Variants in DLEC1 observed in about 807,000 individuals in gnomAD.
DLEC1 encodes deleted in lung and esophageal cancer protein 1.
DLEC1 carries 146 observed loss-of-function variants against 198.1 expected under a neutral mutation model. That is an observed-to-expected ratio of 0.74 (90% CI 0.64 to 0.85). The LOEUF is 0.85. DLEC1 is among the 40% of genes least tolerant of loss of function. DLEC1 has a pLI of 0.00. For missense variants in DLEC1, 2,233 were observed against 2,220.0 expected, an observed-to-expected ratio of 1.01 and a Z score of -0.12; for synonymous variants, 897 against 866.8, an observed-to-expected ratio of 1.03 and a Z score of -0.61.
At chr3:38,097,449 A>G (rs377480331) in intron 16 of DLEC1, 58 bp from the exon 17 acceptor site, 3 of 1,605,052 alleles carry the variant, frequency 1.9e-6, no homozygotes, top group Non-Finnish European at 2.6e-6. Context: ...GGGCCCAATC[A>G]TAGGAGGAAA....
Position 38,122,741 on chromosome 3 carries a change from A to C in DLEC1, c.*329A>C. 1 of 1,295,440 alleles carries C rather than the reference A, an allele frequency of 7.7e-7. No individual in the cohort carries two copies. The highest frequency in any genetic ancestry group is 1.0e-6 in the Non-Finnish European group (1 of 981,840). The allele number at this position is 1,295,440 out of a possible 1,614,324, so 80.2% of individuals were successfully genotyped here. The stretch of plus-strand genomic sequence containing the variant: ...AAATTCATGCACTTTTACTATGCCC[A>C]TTGCACTTCTCATCCATGGATTTGC... On this transcript the variant is annotated 3_prime_UTR_variant, in exon 37 of 37. Transcript: ENST00000308059.
Position 38,123,601 on chromosome 3 carries a change from G to A in DLEC1, c.*1189G>A, listed in dbSNP as rs142859369. On this transcript the variant is annotated 3_prime_UTR_variant, in exon 37 of 37. Coordinates refer to ENST00000308059, the MANE Select transcript of DLEC1 (RefSeq NM_007335.4). ...ACTTGTAGTCCCAGCTATTCAGCAG[G>A]CTGAGGCAAGAGGATCACTTGTGCC... 1,019 of 160,342 alleles carry A rather than the reference G, an allele frequency of 6.4e-3. 8 individuals carry two copies. Among genetic ancestry groups the A allele is most frequent in the Non-Finnish European group, 0.011 (825 of 73,192 alleles). 9.9% of individuals were successfully genotyped at this position (160,342 alleles called of 1,614,324 possible). A position where few individuals can be genotyped will look rare whatever the true frequency, so the allele number is the denominator to read the frequency against.
chr3:38,086,119 A>G, intron 8 of DLEC1, 122 bp from the exon 9 acceptor site: 1 of 1,374,600 alleles, frequency 7.3e-7, no homozygotes, highest in South Asian at 1.5e-5. Context: ...TCCTCTCTGC[A>G]TAGGGTGCTG....
chr3:38,062,564 T>A lies in DLEC1; in HGVS notation c.874-17T>A. 1 of 1,613,900 alleles carries A rather than the reference T, an allele frequency of 6.2e-7. No individual in the cohort carries two copies. The highest frequency in any genetic ancestry group is 8.5e-7 in the Non-Finnish European group (1 of 1,179,848). ...CCTTTGCCTGTCATTGACTCTATGC[T>A]TTTGTATGTTTCAAAGAAAGCAAGT... On this transcript the variant is annotated splice_polypyrimidine_tract_variant and intron_variant, in intron 4 of 36. Transcript: ENST00000308059.
rs1348107208 is a variant in DLEC1, at chr3:38,084,410, GGTAGTA to G, written c.1261+171_1261+176del. 4.3e-5 allele frequency among the ~76,000 whole-genome samples: 5 copies of G among 115,864 alleles called. 1 individual carries two copies. Among genetic ancestry groups the G allele is most frequent in the African/African-American group, 1.6e-4 (5 of 30,820 alleles). The allele number at this position is 115,864 out of a possible 152,430, so 76.0% of individuals were successfully genotyped here. A position where few individuals can be genotyped will look rare whatever the true frequency, so the allele number is the denominator to read the frequency against. ...TAGTGGTAGTAGTAGTAGTGGTGGT[GGTAGTA>G]GTAGTGGTAGTAGTAGTAGTGGTGG... On this transcript the variant is annotated intron_variant, in intron 7 of 36. Transcript: ENST00000308059.
intron 1 of DLEC1, among the ~76,000 whole-genome samples, chr3:38,041,587 G>A (rs1170915160): frequency 6.6e-6 from 1 of 152,062 alleles, no homozygotes; most frequent in East Asian, 1.9e-4. Flanking sequence ...GGTGGCTCAC[G>A]CCTATAATCC....
chr3:38,110,811 CAT>C (rs1326891441), intron 23 of DLEC1, among the ~76,000 whole-genome samples: 1 of 151,850 alleles, frequency 6.6e-6, no homozygotes, highest in Non-Finnish European at 1.5e-5. Flanking sequence ...CACACACATG[CAT>C]ACACACATAC....
Position 38,084,543 on chromosome 3 carries a change from G to A in DLEC1, c.1261+298G>A. Among the ~76,000 whole-genome samples the A allele has an allele frequency of 1.5e-3, 3 of 1,992 alleles. 1 individual carries two copies. The highest frequency in any genetic ancestry group is 2.6e-3 in the Non-Finnish European group (3 of 1,156). The allele number at this position is 1,992 out of a possible 152,430, so 1.3% of individuals were successfully genotyped here. Reference sequence around the variant, plus strand: ...GGTAGTAGTAGTAGTGGTGGTGGTAGTAGTAGTGGTAGTAGTAGTGGTAGT... The same window carrying A: ...GGTAGTAGTAGTAGTGGTGGTGGTAATAGTAGTGGTAGTAGTAGTGGTAGT... On this transcript the variant is annotated intron_variant, in intron 7 of 36. Coordinates refer to ENST00000308059, the MANE Select transcript of DLEC1 (RefSeq NM_007335.4).
rs779100153 is a variant in DLEC1, at chr3:38,116,669, G to T, written c.4062+11G>T. 2 of 1,613,726 alleles carry T rather than the reference G, an allele frequency of 1.2e-6. No individual in the cohort carries two copies. The highest frequency in any genetic ancestry group is 1.3e-5 in the African/African-American group (1 of 75,046). On this transcript the variant is annotated intron_variant, in intron 28 of 36. Transcript: ENST00000308059. ...GAAACTGACTCATCAGTGAGCAGGGGTGGAGGGGCGGGGCAGGCTGGCCAC... is the reference window on the plus strand; with the variant it reads ...GAAACTGACTCATCAGTGAGCAGGGTTGGAGGGGCGGGGCAGGCTGGCCAC...
At chr3:38,111,279 G>A (rs1157274907) in intron 23 of DLEC1, among the ~76,000 whole-genome samples, 1 of 152,206 alleles carries the variant, frequency 6.6e-6, no homozygotes. Flanking sequence ...CCCAATGCTG[G>A]ACAGATGTCA....
rs1039617504 is a variant in DLEC1 at position 38,116,524 on chromosome 3, T to C, written c.3928T>C (p.Tyr1310His). The C allele has an allele frequency of 3.7e-6, 6 of 1,613,988 alleles. No homozygotes were observed. The highest frequency in any genetic ancestry group is 3.3e-5 in the South Asian group (3 of 91,088). ...CCGGCTGGTGGAGCTGCTGGTGTTT[T>C]ATGGGCCACCTTTCCCGCTGCGGGA... ...EDRLVELLVF[Y>H]GPPFPLRDQA... The change falls in exon 28 of 37, where the codon TAT becomes CAT. Residue 1310 changes from tyrosine (Y) to histidine (H), a missense_variant. Transcript: ENST00000308059.
intron 7 of DLEC1, among the ~76,000 whole-genome samples, 162 bp downstream of exon 7, chr3:38,084,407 G>GGTAGTAGTA (rs1559430017): frequency 4.9e-4 from 2 of 4,102 alleles, no homozygotes; most frequent in African/African-American, 9.0e-4. Context: ...TAGTAGTGGT[G>GGTAGTAGTA]GTGGTAGTAG....
At chr3:38,049,467 G>A (rs1701014950) in intron 2 of DLEC1, among the ~76,000 whole-genome samples, 1 of 152,254 alleles carries the variant, frequency 6.6e-6, no homozygotes, top group African/African-American at 2.4e-5. Flanking sequence ...TCCAAAGTGA[G>A]GGAGAAAGAT....
intron 13 of DLEC1, chr3:38,095,367 CCCAT>C (rs1355810842): frequency 4.6e-6 from 2 of 436,586 alleles, no homozygotes; most frequent in East Asian, 8.3e-5. Context: ...ACCATCCCCA[CCCAT>C]ACCACAGCAT....
At position 38,062,672 on chromosome 3, in the gene DLEC1, G is replaced by A; in HGVS notation, c.965G>A (p.Ser322Asn). 1.2e-6 allele frequency: 2 copies of A among 1,614,146 alleles called. No homozygotes were observed. Among genetic ancestry groups the A allele is most frequent in the Middle Eastern group, 1.6e-4 (1 of 6,062 alleles). The change falls in exon 5 of 37, where the codon AGT becomes AAT. Residue 322 changes from serine to asparagine, a missense_variant. By Grantham distance (46) the Ser-to-Asn change is conservative (BLOSUM62 1). Transcript: ENST00000308059. ...AGACTTCTGCTTGCCAGAATGGAGA[G>A]TCGGAACCACTTCCTAAAAAATCCC... is the stretch of plus-strand genomic sequence containing the variant. ...LDRLLLARME[S>N]RNHFLKNPRF...
At chr3:38,058,906 G>A (rs988614086) in intron 2 of DLEC1, among the ~76,000 whole-genome samples, 1 of 152,036 alleles carries the variant, frequency 6.6e-6, no homozygotes, top group Admixed American at 6.5e-5. Context: ...TTTTAAAAAA[G>A]CCTTTTCCAC....
Position 38,096,583 on chromosome 3 carries a change from G to C in DLEC1, c.2186G>C (p.Ser729Thr), listed in dbSNP as rs1449397155. Residue 729 changes from serine (S) to threonine (T), a missense_variant, in exon 15 of 37, where the codon AGC (serine) becomes ACC (threonine). Physicochemically the swap from Ser to Thr is moderately conservative, Grantham distance 58. Coordinates refer to ENST00000308059, the MANE Select transcript of DLEC1 (RefSeq NM_007335.4). ...VPEPVSSEAE[S>T]LGHSSYSVDD... ...TTTGTGTTTAGTTCAGAAGCGGAGA[G>C]CCTGGGGCACTCCTCCTACTCTGTG... The C allele has an allele frequency of 3.7e-6, 6 of 1,611,622 alleles. No individual in the cohort carries two copies. Among genetic ancestry groups the C allele is most frequent in the Non-Finnish European group, 5.1e-6 (6 of 1,179,744 alleles).
At chr3:38,080,037 G>A (rs35744972) in intron 6 of DLEC1, among the ~76,000 whole-genome samples, 29,524 of 152,088 alleles carry the variant, frequency 0.19, 3,447 homozygotes, top group East Asian at 0.34. Flanking sequence ...GCTGTAAAGC[G>A]TCTCAGGGTT....
chr3:38,097,331 A>T, intron 16 of DLEC1, 56 bp downstream of exon 16: 1 of 1,549,032 alleles, frequency 6.5e-7, no homozygotes, highest in Middle Eastern at 1.7e-4. Flanking sequence ...CTCAGGAAGA[A>T]ATCTTCAGAG....
Sources: gnomAD v4.1 joint callset for allele counts (sites outside exome capture counted in the v4.1 genomes callset) on GRCh38, gnomAD v4.1.1 for gene constraint, MANE v1.5 for transcripts, NCBI Gene and HGNC (gene_info 2026-07-23, HGNC 2026-07-21) for gene names.